Variants in ARMC6 observed in about 807,000 individuals in gnomAD.
ARMC6 encodes the protein armadillo repeat-containing protein 6.
ARMC6 carries 43 observed loss-of-function variants against 49.2 expected under a neutral mutation model. That is an observed-to-expected ratio of 0.87 (90% CI 0.69 to 1.13). The LOEUF (loss-of-function observed/expected upper bound fraction) is 1.13, where lower values mean the gene tolerates loss of function less well. Among genes scored for constraint, ARMC6 ranks in the 50% most tolerant of loss-of-function variants. ARMC6 has a pLI of 0.00. For synonymous variants in ARMC6, 262 were observed against 289.6 expected (o/e 0.90, Z 0.97); for missense variants, 627 against 682.0 (o/e 0.92, Z 0.90).
chr19:19,044,195 G>A, intron 4 of ARMC6, 121 bp downstream of exon 4: 2 of 1,014,478 alleles, frequency 2.0e-6, no homozygotes, highest in Non-Finnish European at 3.0e-6. Flanking sequence ...GCATGCATGG[G>A]CAAGCTTGAG....
intron 8 of ARMC6, among the ~76,000 whole-genome samples, chr19:19,056,983 G>T (rs976157319): frequency 6.6e-6 from 1 of 152,220 alleles, no homozygotes; most frequent in Non-Finnish European, 1.5e-5. Flanking sequence ...GCAGTGCCCC[G>T]CGCCCACCCA....
rs2059559143 is a variant in ARMC6, at chr19:19,057,982, G to A, written c.*354G>A. 5.3e-6 allele frequency: 2 copies of A among 380,164 alleles called. No individual in the cohort carries two copies. Among genetic ancestry groups the A allele is most frequent in the East Asian group, 6.2e-5 (1 of 16,172 alleles). The allele number at this position is 380,164 out of a possible 1,614,324, so 23.5% of individuals were successfully genotyped here. A position where few individuals can be genotyped will look rare whatever the true frequency, so the allele number is the denominator to read the frequency against. On this transcript the variant is annotated 3_prime_UTR_variant, in exon 9 of 9. Transcript: ENST00000535612. The stretch of plus-strand genomic sequence containing the variant: ...CCACTGTGGGCCAGGCTCAGGGCAG[G>A]GCAGGCGATTCCAGTGGGGTTGGGC...
chr19:19,057,821 C>T lies in ARMC6; in HGVS notation c.*193C>T, dbSNP rs1460164535. ...GGCCTCTACACAGAAGAAAGCAGCC[C>T]CCATGTCCCAGCCACTTCTGGGTCC... is the stretch of plus-strand genomic sequence containing the variant. On this transcript the variant is annotated 3_prime_UTR_variant, in exon 9 of 9. Coordinates refer to ENST00000535612, the MANE Select transcript of ARMC6 (RefSeq NM_001199196.2). The T allele has an allele frequency of 4.0e-6, 3 of 756,406 alleles. No homozygotes were observed. The Admixed American group carries it at 5.3e-5, about 13-fold the overall frequency. The allele number at this position is 756,406 out of a possible 1,614,324, so 46.9% of individuals were successfully genotyped here. A position where few individuals can be genotyped will look rare whatever the true frequency, so the allele number is the denominator to read the frequency against.
Position 19,054,273 on chromosome 19 carries a change from G to C in ARMC6, c.975G>C (p.Leu325=), listed in dbSNP as rs10414859. ...DLGGLSILVS[L]LADCNDHQMR... Reference sequence around the variant, plus strand: ...GGGGCCTGAGCATTCTGGTGTCCCTGCTAGCCGACTGCAATGACCACCAGA... The same window carrying C: ...GGGGCCTGAGCATTCTGGTGTCCCTCCTAGCCGACTGCAATGACCACCAGA... Residue 325 remains leucine (L), a synonymous_variant, in exon 6 of 9, where the codon CTG becomes CTC. Coordinates refer to ENST00000535612, the MANE Select transcript of ARMC6 (RefSeq NM_001199196.2). 6,150 of 1,609,600 alleles carry C rather than the reference G, an allele frequency of 3.8e-3. 189 individuals are homozygous for C. In the African/African-American group the frequency reaches 0.071, roughly 19 times the overall value.
chr19:19,046,279 C>G (rs968803466), intron 4 of ARMC6, among the ~76,000 whole-genome samples: 39 of 151,856 alleles, frequency 2.6e-4, no homozygotes, highest in African/African-American at 8.5e-4. Context: ...TCACTGCAAG[C>G]TCCACCTCCC....
In ARMC6 at chr19:19,036,997, C is replaced by A. The variant is rs545709201; in HGVS notation, c.29+2759C>A. 4.6e-5 allele frequency among the ~76,000 whole-genome samples: 7 copies of A among 152,156 alleles called. No homozygotes were observed. In the East Asian group the frequency reaches 1.3e-3, roughly 29 times the overall value. On this transcript the variant is annotated intron_variant, in intron 2 of 8. Transcript: ENST00000535612. ...GGTCAGGAGTTCGAGACTAGCCTGGCCAACATGGTGAAACCCTGTCTCTAC... is the reference window on the plus strand; with the variant it reads ...GGTCAGGAGTTCGAGACTAGCCTGGACAACATGGTGAAACCCTGTCTCTAC...
chr19:19,035,184 T>C lies in ARMC6; in HGVS notation c.29+946T>C, dbSNP rs574255376. On this transcript the variant is annotated intron_variant, in intron 2 of 8. Coordinates refer to ENST00000535612, the MANE Select transcript of ARMC6 (RefSeq NM_001199196.2). ...CGGCCCTGGCTAATTTTTTGTATTT[T>C]CAGTAGAGACAGGATTTTGCTATGT... Among the ~76,000 whole-genome samples, 43 of 152,250 alleles carry C rather than the reference T, an allele frequency of 2.8e-4. 1 individual carries two copies. The South Asian group carries it at 8.3e-3, about 29-fold the overall frequency.
intron 4 of ARMC6, among the ~76,000 whole-genome samples, chr19:19,044,536 A>G (rs1450690300): frequency 9.9e-5 from 15 of 152,268 alleles, no homozygotes; most frequent in Non-Finnish European, 2.9e-5. Flanking sequence ...GTGATGGGGA[A>G]ACAGGCCAGG....
chr19:19,047,973 G>A (rs1372291642), intron 4 of ARMC6, among the ~76,000 whole-genome samples: 1 of 152,150 alleles, frequency 6.6e-6, no homozygotes, highest in Non-Finnish European at 1.5e-5. Context: ...CATTTTGGGA[G>A]GCTGAGGTGG....
intron 2 of ARMC6, among the ~76,000 whole-genome samples, chr19:19,041,943 T>C (rs2059414675): frequency 6.6e-6 from 1 of 152,194 alleles, no homozygotes; most frequent in Non-Finnish European, 1.5e-5. Context: ...AGGGGCTTGC[T>C]CTGTTGCCCA....
At chr19:19,039,226 C>G in intron 2 of ARMC6, 2 of 341,134 alleles carry the variant, frequency 5.9e-6, no homozygotes, top group South Asian at 4.4e-5. Context: ...CCTTGAACTC[C>G]TGGGCTCAAA....
chr19:19,051,644 C>T lies in ARMC6; in HGVS notation c.302C>T (p.Ser101Phe). 6.2e-7 allele frequency: 1 copy of T among 1,606,358 alleles called. No homozygotes were observed. Among genetic ancestry groups the T allele is most frequent in the East Asian group, 2.2e-5 (1 of 44,814 alleles). ...ILQMLSDLQE[S>F]VASSRPQEVS... is the part of the protein sequence containing the mutation. Reference sequence around the variant, plus strand: ...CAGATGCTCAGTGACCTCCAGGAGTCTGTGGCCAGCTCTCGCCCCCAGGAG... The same window carrying T: ...CAGATGCTCAGTGACCTCCAGGAGTTTGTGGCCAGCTCTCGCCCCCAGGAG... Residue 101 changes from serine to phenylalanine, a missense_variant, in exon 5 of 9, where the codon TCT becomes TTT. Ser to Phe is a radical substitution (Grantham distance 155). Transcript: ENST00000535612.
chr19:19,042,861 G>A lies in ARMC6; in HGVS notation c.180G>A (p.Glu60=). Residue 60 remains glutamate, a synonymous_variant, in exon 3 of 9, where the codon GAG becomes GAA. Coordinates refer to ENST00000535612, the MANE Select transcript of ARMC6 (RefSeq NM_001199196.2). ...GPEEAVKEAV[E]QFESQGVDLS... ...AGGAGGCAGTGAAAGAGGCCGTGGA[G>A]CAGTTTGAATCGCAAGGTAGGGTGG... 1.9e-6 allele frequency: 3 copies of A among 1,613,886 alleles called. No individual in the cohort carries two copies. The highest frequency in any genetic ancestry group is 1.7e-6 in the Non-Finnish European group (2 of 1,180,034).
At chr19:19,048,810 C>CA (rs1205004800) in intron 4 of ARMC6, among the ~76,000 whole-genome samples, 2 of 152,128 alleles carry the variant, frequency 1.3e-5, no homozygotes, top group Non-Finnish European at 2.9e-5. Context: ...CAAAATATGT[C>CA]AGAGAAATAT....
At chr19:19,047,791 T>C (rs765574948) in intron 4 of ARMC6, among the ~76,000 whole-genome samples, 5 of 152,334 alleles carry the variant, frequency 3.3e-5, no homozygotes, top group Non-Finnish European at 7.3e-5. Flanking sequence ...GTGGTCGGGC[T>C]ACAGCTTGGT....
In ARMC6 at chr19:19,055,178, C is replaced by A; in HGVS notation, c.1024-87C>A. ...AGTCACACCATACCTGTTGGTCAAA[C>A]AGCAAAACAGCCCCACATTCTCCCT... On this transcript the variant is annotated intron_variant, in intron 6 of 8. Coordinates refer to ENST00000535612, the MANE Select transcript of ARMC6 (RefSeq NM_001199196.2). This position sits in a 1 kb window ranked among gnomAD's most constrained non-coding sequence, Gnocchi z 5.7. 6.7e-7 allele frequency: 1 copy of A among 1,483,600 alleles called. No individual in the cohort carries two copies. The highest frequency in any genetic ancestry group is 8.9e-7 in the Non-Finnish European group (1 of 1,117,596). 91.9% of individuals were successfully genotyped at this position (1,483,600 alleles called of 1,614,324 possible). A position where few individuals can be genotyped will look rare whatever the true frequency, so the allele number is the denominator to read the frequency against.
Position 19,052,049 on chromosome 19 carries a change from C to A in ARMC6, c.707C>A (p.Thr236Asn), listed in dbSNP as rs779096747. ...GCCATCACCCATCATGGCCACCACA[C>A]TGACGTGGTCAGGGAAGCCTGCTGG... is the stretch of plus-strand genomic sequence containing the variant. Reference protein sequence around the residue: ...TGAITHHGHHTDVVREACWAL... With the variant: ...TGAITHHGHHNDVVREACWAL... Residue 236 changes from threonine to asparagine, a missense_variant, in exon 5 of 9, where the codon ACT (threonine) becomes AAT (asparagine). Thr to Asn is a moderately conservative substitution (Grantham distance 65). Transcript: ENST00000535612. The A allele has an allele frequency of 3.7e-6, 6 of 1,613,864 alleles. 1 individual carries two copies. The South Asian group carries it at 6.6e-5, about 18-fold the overall frequency.
chr19:19,038,447 TCTTA>T (rs979022779), intron 2 of ARMC6, among the ~76,000 whole-genome samples: 4 of 152,338 alleles, frequency 2.6e-5, no homozygotes, highest in African/African-American at 9.6e-5. Flanking sequence ...AAGAGTTTTA[TCTTA>T]CTTAACTCTA....
intron 4 of ARMC6, among the ~76,000 whole-genome samples, chr19:19,050,565 A>G (rs1417189002): frequency 6.6e-6 from 1 of 152,182 alleles, no homozygotes; most frequent in Non-Finnish European, 1.5e-5. Flanking sequence ...GACATTGAGC[A>G]TCTTTTCATG....
Sources: gnomAD v4.1 joint callset for allele counts (sites outside exome capture counted in the v4.1 genomes callset) on GRCh38, gnomAD v4.1.1 for gene constraint, Gnocchi (gnomAD v3.1) non-coding constraint, MANE v1.5 for transcripts, NCBI Gene and HGNC (gene_info 2026-07-23, HGNC 2026-07-21) for gene names.